Variants in KDM4C observed in about 807,000 individuals in gnomAD.
KDM4C encodes the protein lysine-specific demethylase 4C.
A neutral mutation model predicts 129.3 loss-of-function variants in KDM4C; 81 were observed. That is an observed-to-expected ratio of 0.63 (90% CI 0.52 to 0.75). The LOEUF is 0.75. Among genes scored for constraint, KDM4C ranks in the 30% least tolerant of loss-of-function variants. KDM4C has a pLI of 0.00. For synonymous variants in KDM4C, 573 were observed against 456.1 expected (o/e 1.26, Z -3.26); for missense variants, 1,457 against 1,304.0 (o/e 1.12, Z -1.81).
chr9:6,820,179 C>A (rs867126801), intron 4 of KDM4C, among the ~76,000 whole-genome samples: 1 of 151,994 alleles, frequency 6.6e-6, no homozygotes, highest in Non-Finnish European at 1.5e-5. Flanking sequence ...TTGCAGCCTG[C>A]GGGAGAGGCA....
At chr9:7,140,378 G>A (rs1183886909) in intron 19 of KDM4C, among the ~76,000 whole-genome samples, 2 of 152,070 alleles carry the variant, frequency 1.3e-5, no homozygotes, top group African/African-American at 2.4e-5. Context: ...TGTTTTGCAT[G>A]AAATTAAAAG....
At chr9:6,828,059 A>G (rs2131288528) in intron 4 of KDM4C, among the ~76,000 whole-genome samples, 1 of 152,342 alleles carries the variant, frequency 6.6e-6, no homozygotes, top group South Asian at 2.1e-4. Flanking sequence ...AAGAGCAGTT[A>G]AAGCCCATGT....
chr9:7,130,899 C>T (rs945127113), intron 19 of KDM4C, among the ~76,000 whole-genome samples: 1 of 151,622 alleles, frequency 6.6e-6, no homozygotes, highest in Admixed American at 6.6e-5. Context: ...GCTGGGACCA[C>T]AGCCCTGTGC....
At chr9:6,769,786 G>C (rs564647803) in intron 1 of KDM4C, among the ~76,000 whole-genome samples, 1 of 152,256 alleles carries the variant, frequency 6.6e-6, no homozygotes, top group South Asian at 2.1e-4. Context: ...CATTTGTTTT[G>C]CTGTTTAACA....
At chr9:7,139,330 T>A (rs1841516935) in intron 19 of KDM4C, among the ~76,000 whole-genome samples, 1 of 152,204 alleles carries the variant, frequency 6.6e-6, no homozygotes, top group South Asian at 2.1e-4. Context: ...TGTGTTATAT[T>A]ATCATTCTTT....
At chr9:6,905,374 G>A (rs1185365185) in intron 8 of KDM4C, among the ~76,000 whole-genome samples, 1 of 152,170 alleles carries the variant, frequency 6.6e-6, no homozygotes, top group Non-Finnish European at 1.5e-5. Flanking sequence ...TCTACCAAGT[G>A]TTGATTGTCC....
At chr9:6,770,767 C>CTT (rs753670348) in intron 1 of KDM4C, among the ~76,000 whole-genome samples, 1,310 of 81,586 alleles carry the variant, frequency 0.016, 26 homozygotes, top group African/African-American at 0.044. Context: ...GATTTTGATC[C>CTT]TTTTTTTTTT....
chr9:7,043,594 A>C (rs1399693846), intron 15 of KDM4C, among the ~76,000 whole-genome samples: 1 of 151,988 alleles, frequency 6.6e-6, no homozygotes, highest in Non-Finnish European at 1.5e-5. Context: ...TGGCATCTTT[A>C]TGTTTTTACC....
intron 8 of KDM4C, among the ~76,000 whole-genome samples, chr9:6,962,883 A>T (rs1189774893): frequency 6.6e-6 from 1 of 152,232 alleles, no homozygotes; most frequent in Non-Finnish European, 1.5e-5. Flanking sequence ...GTAATTCATT[A>T]TGCATGTGAG....
intron 4 of KDM4C, among the ~76,000 whole-genome samples, chr9:6,841,044 C>G (rs1003799364): frequency 3.3e-5 from 5 of 152,170 alleles, no homozygotes. Context: ...TTTTTGATGA[C>G]TTCGTTAAGT....
At chr9:6,904,144 C>T (rs915565187) in intron 8 of KDM4C, among the ~76,000 whole-genome samples, 2 of 151,870 alleles carry the variant, frequency 1.3e-5, no homozygotes, top group Admixed American at 6.6e-5. Context: ...GAGGCTGAGG[C>T]AGGAGAATTG....
chr9:6,915,906 C>T (rs1049122057), intron 8 of KDM4C, among the ~76,000 whole-genome samples: 1 of 152,144 alleles, frequency 6.6e-6, no homozygotes, highest in African/African-American at 2.4e-5. Context: ...TCCTTTCCAG[C>T]ACTTGAATTA....
chr9:7,138,567 C>G (rs1165573694), intron 19 of KDM4C, among the ~76,000 whole-genome samples: 1 of 152,092 alleles, frequency 6.6e-6, no homozygotes, highest in African/African-American at 2.4e-5. Flanking sequence ...GAAATCCCAG[C>G]GCTTTGGGGC....
At chr9:7,144,441 G>C (rs1291098402) in intron 19 of KDM4C, among the ~76,000 whole-genome samples, 2 of 152,194 alleles carry the variant, frequency 1.3e-5, no homozygotes, top group African/African-American at 2.4e-5. Context: ...TGAAATGCAA[G>C]GTTAAATTAT....
chr9:6,740,729 G>C (rs931272301), intron 1 of KDM4C, among the ~76,000 whole-genome samples: 1 of 149,126 alleles, frequency 6.7e-6, no homozygotes, highest in African/African-American at 2.5e-5. Flanking sequence ...ATGTTGGCCT[G>C]GCTGGTCTCG....
intron 7 of KDM4C, among the ~76,000 whole-genome samples, chr9:6,892,575 T>C (rs1481546499): frequency 6.6e-6 from 1 of 152,194 alleles, no homozygotes; most frequent in Non-Finnish European, 1.5e-5. Flanking sequence ...TGAAATGGAC[T>C]GTGCTTAATT....
At chr9:6,786,840 T>C (rs191957950) in intron 1 of KDM4C, among the ~76,000 whole-genome samples, 3 of 152,220 alleles carry the variant, frequency 2.0e-5, no homozygotes, top group Non-Finnish European at 4.4e-5. Context: ...AATGGCTATG[T>C]GTGTTCAAAA....
chr9:7,000,468 G>T (rs1187797928), intron 12 of KDM4C, among the ~76,000 whole-genome samples: 1 of 152,062 alleles, frequency 6.6e-6, no homozygotes, highest in Non-Finnish European at 1.5e-5. Flanking sequence ...TTGAGTCTTT[G>T]GGTTCATGTA....
chr9:7,023,438 A>G (rs1462764312), intron 15 of KDM4C, among the ~76,000 whole-genome samples: 1 of 152,088 alleles, frequency 6.6e-6, no homozygotes, highest in African/African-American at 2.4e-5. Flanking sequence ...AGTTGCTCCT[A>G]GTAGCTACTA....
Sources: gnomAD v4.1 joint callset for allele counts (sites outside exome capture counted in the v4.1 genomes callset) on GRCh38, gnomAD v4.1.1 for gene constraint, MANE v1.5 for transcripts, NCBI Gene and HGNC (gene_info 2026-07-23, HGNC 2026-07-21) for gene names.